Variants in SMYD3 observed in about 807,000 individuals in gnomAD.
SMYD3 encodes histone-lysine N-methyltransferase SMYD3.
A neutral mutation model predicts 57.7 loss-of-function variants in SMYD3; 36 were observed. That is an observed-to-expected ratio of 0.62 (90% CI 0.48 to 0.82). The LOEUF (loss-of-function observed/expected upper bound fraction) is 0.82. Ranked by LOEUF, SMYD3 falls within the 40% of genes least tolerant of loss-of-function variation. The pLI is 0.00. For synonymous variants in SMYD3, 211 were observed against 195.0 expected, an observed-to-expected ratio of 1.08 and a Z score of -0.68; for missense variants, 515 against 538.8, an observed-to-expected ratio of 0.96 and a Z score of 0.44.
chr1:245,829,118 C>CTTTT (rs10701402), intron 10 of SMYD3, among the ~76,000 whole-genome samples: 1 of 140,110 alleles, frequency 7.1e-6, no homozygotes, highest in Non-Finnish European at 1.5e-5. Context: ...AAGACAATCA[C>CTTTT]TTTTTTTTTT....
At chr1:246,477,766 C>G (rs1263770299) in intron 1 of SMYD3, among the ~76,000 whole-genome samples, 1 of 152,202 alleles carries the variant, frequency 6.6e-6, no homozygotes, top group Non-Finnish European at 1.5e-5. Flanking sequence ...CCCAGGGCTT[C>G]TCCTGTGAGC....
At chr1:246,054,593 C>T (rs2060116819) in intron 5 of SMYD3, among the ~76,000 whole-genome samples, 1 of 152,076 alleles carries the variant, frequency 6.6e-6, no homozygotes, top group Non-Finnish European at 1.5e-5. Flanking sequence ...GAATACATCT[C>T]AACACCATTA....
rs796548600 is a variant in SMYD3, at chr1:246,276,033, T to G, written c.531+51168A>C. Among the ~76,000 whole-genome samples the G allele has an allele frequency of 2.2e-5, 2 of 90,682 alleles. 1 individual carries two copies. Among genetic ancestry groups the G allele is most frequent in the Non-Finnish European group, 4.8e-5 (2 of 41,704 alleles). The allele number at this position is 90,682 out of a possible 152,430, so 59.5% of individuals were successfully genotyped here. ...GAATACTAACTCTGTTTTTCACTAG[T>G]CGTATTAACACTGGCAGGTTATTTA... On this transcript the variant is annotated intron_variant, in intron 5 of 11. Coordinates refer to ENST00000490107, the MANE Select transcript of SMYD3 (RefSeq NM_001167740.2).
At chr1:246,138,241 AC>A (rs1196164709) in intron 5 of SMYD3, among the ~76,000 whole-genome samples, 1 of 151,946 alleles carries the variant, frequency 6.6e-6, no homozygotes, top group East Asian at 1.9e-4. Flanking sequence ...AGAACAAGAC[AC>A]CCTCTTCGTA....
chr1:246,180,695 C>T (rs2062531955), intron 5 of SMYD3, among the ~76,000 whole-genome samples: 1 of 121,792 alleles, frequency 8.2e-6, no homozygotes, highest in Admixed American at 1.1e-4. Flanking sequence ...GGAGGCAGTG[C>T]TTGCAGTGAG....
At chr1:246,418,579 G>A (rs1426362365) in intron 1 of SMYD3, among the ~76,000 whole-genome samples, 4 of 152,188 alleles carry the variant, frequency 2.6e-5, no homozygotes, top group African/African-American at 9.7e-5. Flanking sequence ...GGGGTTTCTT[G>A]CTTTGGTGAA....
At chr1:246,274,004 G>T (rs893722165) in intron 5 of SMYD3, among the ~76,000 whole-genome samples, 4 of 151,918 alleles carry the variant, frequency 2.6e-5, no homozygotes, top group African/African-American at 9.7e-5. Flanking sequence ...TTAAAGTTAG[G>T]AAACTCACTA....
intron 8 of SMYD3, among the ~76,000 whole-genome samples, chr1:245,887,264 C>T (rs529684095): frequency 1.7e-4 from 26 of 152,270 alleles, no homozygotes; most frequent in Middle Eastern, 3.4e-3. Context: ...ATACTCCCAC[C>T]AGCACCATGA....
At position 246,448,178 on chromosome 1, in the gene SMYD3, T is replaced by C. The variant is rs12061235; in HGVS notation, c.164+58876A>G. Among the ~76,000 whole-genome samples the C allele has an allele frequency of 6.2e-3, 940 of 152,206 alleles. 14 individuals are homozygous for C. Among genetic ancestry groups the C allele is most frequent in the African/African-American group, 0.022 (907 of 41,530 alleles). On this transcript the variant is annotated intron_variant, in intron 1 of 11. Coordinates refer to ENST00000490107, the MANE Select transcript of SMYD3 (RefSeq NM_001167740.2). ...GCGGCATTGAGCCAAGATCGCGCCA[T>C]TGCACTCCAGCTAGGGAAACAGAGC...
At chr1:246,481,827 T>C (rs1325610758) in intron 1 of SMYD3, among the ~76,000 whole-genome samples, 1 of 150,878 alleles carries the variant, frequency 6.6e-6, no homozygotes, top group African/African-American at 2.4e-5. Context: ...TCTACTGGTT[T>C]CTCTGGAGAA....
chr1:245,885,420 T>G (rs944319106), intron 8 of SMYD3, among the ~76,000 whole-genome samples: 2 of 152,196 alleles, frequency 1.3e-5, no homozygotes, highest in African/African-American at 4.8e-5. Context: ...AGCTTCCAGC[T>G]TGCTTGTCTA....
chr1:245,920,049 C>T (rs1336696258), intron 7 of SMYD3, among the ~76,000 whole-genome samples: 2 of 152,086 alleles, frequency 1.3e-5, no homozygotes, highest in African/African-American at 4.8e-5. Context: ...CACGGTGGCT[C>T]ACGCCTGTAA....
chr1:245,949,532 G>A (rs946907229), intron 5 of SMYD3, among the ~76,000 whole-genome samples: 14 of 152,196 alleles, frequency 9.2e-5, no homozygotes, highest in African/African-American at 2.7e-4. Context: ...AACCAAGGCC[G>A]GATGCGGTGG....
At chr1:246,441,857 C>A (rs761618591) in intron 1 of SMYD3, among the ~76,000 whole-genome samples, 1 of 152,240 alleles carries the variant, frequency 6.6e-6, no homozygotes, top group African/African-American at 2.4e-5. Context: ...AGTGATCCTC[C>A]CGCCTCGGGC....
At chr1:246,320,189 A>G (rs1411172183) in intron 5 of SMYD3, among the ~76,000 whole-genome samples, 1 of 152,202 alleles carries the variant, frequency 6.6e-6, no homozygotes, top group Non-Finnish European at 1.5e-5. Flanking sequence ...TTTACTCAGA[A>G]TGAAACTGTA....
chr1:246,380,725 G>A (rs1235362843), intron 1 of SMYD3, among the ~76,000 whole-genome samples: 1 of 152,220 alleles, frequency 6.6e-6, no homozygotes, highest in Non-Finnish European at 1.5e-5. Context: ...CTCACCAAGC[G>A]CCTATTATGT....
At chr1:246,159,562 GA>G (rs113210021) in intron 5 of SMYD3, among the ~76,000 whole-genome samples, 58 of 144,194 alleles carry the variant, frequency 4.0e-4, no homozygotes, top group Middle Eastern at 3.6e-3. Context: ...TTGTAGCCCC[GA>G]AAAAAAAAAA....
chr1:245,785,158 A>C (rs1243081800), intron 10 of SMYD3, among the ~76,000 whole-genome samples: 1 of 151,984 alleles, frequency 6.6e-6, no homozygotes, highest in East Asian at 1.9e-4. Flanking sequence ...CTGGAATTAC[A>C]GGCATGAGCC....
At chr1:245,817,210 A>G (rs1028555840) in intron 10 of SMYD3, among the ~76,000 whole-genome samples, 25 of 146,950 alleles carry the variant, frequency 1.7e-4, no homozygotes, top group Admixed American at 1.2e-3. Flanking sequence ...GAGAACGGGC[A>G]GACTGCCTCC....
Sources: allele counts gnomAD v4.1 joint callset (sites outside exome capture counted in the v4.1 genomes callset), GRCh38; gene constraint gnomAD v4.1.1; transcripts MANE v1.5; gene names NCBI Gene and HGNC (gene_info 2026-07-23, HGNC 2026-07-21).